PCDH9: variants seen among roughly 807,000 people sequenced by gnomAD.
The protein encoded by PCDH9 is protocadherin-9.
A neutral mutation model predicts 70.6 loss-of-function variants in PCDH9; 24 were observed. The ratio of observed to expected loss-of-function variants is 0.34; its 90% CI spans 0.25 to 0.48. The LOEUF (loss-of-function observed/expected upper bound fraction) is 0.48. PCDH9 is among the 20% of genes least tolerant of loss of function. PCDH9 has a pLI of 0.99. For synonymous variants in PCDH9, 562 were observed against 558.5 expected (o/e 1.01, Z -0.09); for missense variants, 1,281 against 1,503.6 (o/e 0.85, Z 2.45).
intron 3 of PCDH9, among the ~76,000 whole-genome samples, chr13:66,803,140 C>A (rs1756962054): frequency 6.6e-6 from 1 of 152,140 alleles, no homozygotes; most frequent in African/African-American, 2.4e-5. Context: ...TGATGTCAGC[C>A]TCTCTAGAGG....
At chr13:67,212,789 G>C (rs1360765578) in intron 2 of PCDH9, 1 of 152,110 alleles carries the variant, frequency 6.6e-6, no homozygotes, top group Non-Finnish European at 1.5e-5. Flanking sequence ...GTTCTTCAGG[G>C]AACCCATTCA....
intron 3 of PCDH9, among the ~76,000 whole-genome samples, chr13:66,673,711 T>G (rs1191011694): frequency 6.6e-6 from 1 of 152,178 alleles, no homozygotes; most frequent in South Asian, 2.1e-4. Context: ...AACTTTGTAC[T>G]TTGTTATGGT....
chr13:66,560,839 G>A (rs7981496), intron 4 of PCDH9, among the ~76,000 whole-genome samples: 40,683 of 152,144 alleles, frequency 0.27, 5,679 homozygotes, highest in South Asian at 0.34. Flanking sequence ...CATCATTCCA[G>A]AAGTCCGGAA....
intron 4 of PCDH9, among the ~76,000 whole-genome samples, chr13:66,390,666 G>A (rs1188956962): frequency 6.6e-6 from 1 of 151,446 alleles, no homozygotes; most frequent in African/African-American, 2.4e-5. Context: ...AACCTGGGAG[G>A]CAGAGGTTGC....
intron 2 of PCDH9, among the ~76,000 whole-genome samples, chr13:66,938,794 T>C (rs1444768883): frequency 1.3e-5 from 2 of 152,184 alleles, no homozygotes; most frequent in Admixed American, 6.6e-5. Context: ...TTGAGTAATA[T>C]GTGTACATTT....
intron 4 of PCDH9, among the ~76,000 whole-genome samples, chr13:66,364,370 A>G (rs1273792166): frequency 6.6e-6 from 1 of 152,198 alleles, no homozygotes; most frequent in Non-Finnish European, 1.5e-5. Context: ...ATGATTGAGT[A>G]TATGATCAAT....
At chr13:66,663,392 G>A (rs936668672) in intron 3 of PCDH9, among the ~76,000 whole-genome samples, 1 of 152,160 alleles carries the variant, frequency 6.6e-6, no homozygotes, top group Middle Eastern at 3.2e-3. Flanking sequence ...GAAAAATGCT[G>A]CTGAATTAGC....
At chr13:67,174,837 G>A (rs1284324209) in intron 2 of PCDH9, among the ~76,000 whole-genome samples, 3 of 151,894 alleles carry the variant, frequency 2.0e-5, no homozygotes, top group African/African-American at 7.3e-5. Flanking sequence ...ATGGATAGAA[G>A]CAAACTTTCT....
chr13:67,143,337 T>C (rs896800082), intron 2 of PCDH9, among the ~76,000 whole-genome samples: 1 of 152,152 alleles, frequency 6.6e-6, no homozygotes, highest in Non-Finnish European at 1.5e-5. Context: ...AACTAATAAT[T>C]CATAAACCTT....
In PCDH9 at chr13:66,365,880, TTCAC is replaced by T. The variant is rs1956546209; in HGVS notation, c.3341-60856_3341-60853del. Among the ~76,000 whole-genome samples, 6 of 152,226 alleles carry T rather than the reference TTCAC, an allele frequency of 3.9e-5. No homozygotes were observed. In the South Asian group the frequency reaches 8.3e-4, roughly 21 times the overall value. Reference sequence around the variant, plus strand: ...TTTTACTTTGTTTCTCTCTTCCTCTTTCACTCATTACTGAACAAATGAATTGTTT... The same window carrying T: ...TTTTACTTTGTTTCTCTCTTCCTCTTTCATTACTGAACAAATGAATTGTTT... On this transcript the variant is annotated intron_variant, in intron 4 of 4. Coordinates refer to ENST00000377865, the MANE Select transcript of PCDH9 (RefSeq NM_203487.3).
At chr13:66,318,695 A>G (rs1408574010) in intron 4 of PCDH9, among the ~76,000 whole-genome samples, 2 of 152,202 alleles carry the variant, frequency 1.3e-5, no homozygotes. Flanking sequence ...TTGGTGCACA[A>G]ATAGACCTTG....
chr13:67,229,572 C>G (rs1241640853), intron 1 of PCDH9, among the ~76,000 whole-genome samples: 1 of 152,304 alleles, frequency 6.6e-6, no homozygotes, highest in East Asian at 1.9e-4. Context: ...CTGGTCAGTT[C>G]TCAGGCTCTA....
At chr13:67,153,245 T>G (rs1594583250) in intron 2 of PCDH9, among the ~76,000 whole-genome samples, 1 of 151,960 alleles carries the variant, frequency 6.6e-6, no homozygotes, top group East Asian at 1.9e-4. Flanking sequence ...CACTATAGCC[T>G]CAAACTCCTG....
intron 4 of PCDH9, among the ~76,000 whole-genome samples, chr13:66,397,476 G>GTA (rs1343460929): frequency 5.8e-5 from 4 of 68,760 alleles, no homozygotes; most frequent in Non-Finnish European, 1.2e-4. Flanking sequence ...ATGTGTGTGT[G>GTA]TGTATATATA....
intron 2 of PCDH9, among the ~76,000 whole-genome samples, chr13:67,063,129 C>T (rs1216074847): frequency 6.6e-6 from 1 of 152,164 alleles, no homozygotes; most frequent in Non-Finnish European, 1.5e-5. Context: ...GCGGGTGGCT[C>T]TATTGTTAAT....
At chr13:66,343,058 CACA>C (rs1956158596) in intron 4 of PCDH9, among the ~76,000 whole-genome samples, 1 of 152,066 alleles carries the variant, frequency 6.6e-6, no homozygotes, top group African/African-American at 2.4e-5. Context: ...ACAACCAACC[CACA>C]ACAACTTCAC....
chr13:66,718,051 T>C (rs2078894574), intron 3 of PCDH9, among the ~76,000 whole-genome samples: 1 of 152,188 alleles, frequency 6.6e-6, no homozygotes, highest in Admixed American at 6.5e-5. Flanking sequence ...ATTGATTTTA[T>C]TTTGATGATG....
intron 3 of PCDH9, among the ~76,000 whole-genome samples, chr13:66,718,521 C>T (rs766477274): frequency 2.0e-5 from 3 of 151,946 alleles, no homozygotes; most frequent in South Asian, 2.1e-4. Context: ...ATAACTATGA[C>T]GAATAGAACT....
chr13:66,392,295 C>A (rs9317586), intron 4 of PCDH9, among the ~76,000 whole-genome samples: 63,904 of 151,634 alleles, frequency 0.42, 15,482 homozygotes, highest in East Asian at 0.62. Context: ...AAGATGGGAG[C>A]ATTAAATATT....
Sources: gnomAD v4.1 joint callset for allele counts (sites outside exome capture counted in the v4.1 genomes callset) on GRCh38, gnomAD v4.1.1 for gene constraint, MANE v1.5 for transcripts, NCBI Gene and HGNC (gene_info 2026-07-23, HGNC 2026-07-21) for gene names.